Variants in PSD3 observed in about 807,000 individuals in gnomAD.
The protein encoded by PSD3 is PH and SEC7 domain-containing protein 3.
In PSD3, 49 loss-of-function variants were observed where a neutral mutation model predicts 105.5. That is an observed-to-expected ratio of 0.46 (90% CI 0.37 to 0.59). The LOEUF is 0.59. Among genes scored for constraint, PSD3 ranks in the 20% least tolerant of loss-of-function variants. The probability of loss-of-function intolerance (pLI) is 0.00; values close to 1 mark genes in which losing one functional copy is unlikely to be tolerated. For missense variants in PSD3, 1,561 were observed against 1,263.8 expected (o/e 1.24, Z -3.57); for synonymous variants, 557 against 457.8 (o/e 1.22, Z -2.77).
chr8:18,837,701 G>A (rs1272255059), intron 4 of PSD3, among the ~76,000 whole-genome samples: 2 of 152,162 alleles, frequency 1.3e-5, no homozygotes, highest in Non-Finnish European at 2.9e-5. Context: ...CACTTTGGGA[G>A]GCTGAAACAG....
intron 9 of PSD3, among the ~76,000 whole-genome samples, chr8:18,704,796 A>C (rs950993670): frequency 6.6e-6 from 1 of 152,228 alleles, no homozygotes; most frequent in Non-Finnish European, 1.5e-5. Context: ...GTAGAAAAAT[A>C]ATATGTTAAA....
intron 1 of PSD3, among the ~76,000 whole-genome samples, chr8:18,955,854 C>T (rs1172008033): frequency 3.3e-5 from 5 of 152,044 alleles, no homozygotes; most frequent in African/African-American, 4.8e-5. Flanking sequence ...CTTCAACCTC[C>T]GCCTCCCGGG....
chr8:18,838,700 G>A (rs551013675), intron 4 of PSD3, among the ~76,000 whole-genome samples: 1 of 151,704 alleles, frequency 6.6e-6, no homozygotes, highest in East Asian at 2.0e-4. Flanking sequence ...ACTTCGGGAG[G>A]CTGAGGCAGG....
intron 8 of PSD3, among the ~76,000 whole-genome samples, chr8:18,790,184 C>A (rs1469693419): frequency 6.6e-6 from 1 of 151,986 alleles, no homozygotes; most frequent in East Asian, 1.9e-4. Flanking sequence ...TAAACTATGG[C>A]ATACTTAGAT....
intron 1 of PSD3, among the ~76,000 whole-genome samples, chr8:19,065,199 G>T (rs777865172): frequency 8.5e-5 from 13 of 152,070 alleles, no homozygotes; most frequent in Non-Finnish European, 1.5e-4. Flanking sequence ...ATAAAACTCT[G>T]AGGGGAAAAA....
intron 12 of PSD3, among the ~76,000 whole-genome samples, chr8:18,578,142 T>C (rs1802574884): frequency 1.3e-5 from 2 of 151,974 alleles, no homozygotes; most frequent in Admixed American, 6.6e-5. Flanking sequence ...TTCTTGTTTT[T>C]TTCTCTTAGG....
chr8:19,003,311 C>G (rs180930152), intron 1 of PSD3, among the ~76,000 whole-genome samples: 104 of 151,920 alleles, frequency 6.8e-4, no homozygotes, highest in African/African-American at 2.4e-3. Flanking sequence ...TTGAAGGCTG[C>G]AGTGAGCTAT....
intron 9 of PSD3, among the ~76,000 whole-genome samples, chr8:18,742,758 C>A (rs1391261762): frequency 1.3e-5 from 2 of 152,106 alleles, no homozygotes; most frequent in African/African-American, 4.8e-5. Flanking sequence ...TTATTACTGG[C>A]AAAATGCTAC....
intron 8 of PSD3, among the ~76,000 whole-genome samples, chr8:18,769,032 AGAC>A (rs1267738936): frequency 2.0e-5 from 3 of 152,256 alleles, no homozygotes; most frequent in African/African-American, 4.8e-5. Context: ...AGTATACTGA[AGAC>A]GACAATAACT....
At chr8:18,988,430 G>C (rs540182105) in intron 1 of PSD3, among the ~76,000 whole-genome samples, 1 of 152,296 alleles carries the variant, frequency 6.6e-6, no homozygotes, top group Non-Finnish European at 1.5e-5. Context: ...AAGCCCGCAA[G>C]TGGAAAACCT....
intron 2 of PSD3, among the ~76,000 whole-genome samples, chr8:18,901,748 C>T (rs1159173671): frequency 6.6e-6 from 1 of 152,140 alleles, no homozygotes; most frequent in Non-Finnish European, 1.5e-5. Context: ...TTTTGTTTGT[C>T]TGGGAAATAC....
intron 9 of PSD3, among the ~76,000 whole-genome samples, chr8:18,728,337 T>C (rs1803483000): frequency 6.6e-6 from 1 of 152,158 alleles, no homozygotes; most frequent in South Asian, 2.1e-4. Context: ...TATAGTCTCA[T>C]AGAAACATTC....
At chr8:18,752,943 C>G (rs918130698) in intron 9 of PSD3, among the ~76,000 whole-genome samples, 3 of 151,524 alleles carry the variant, frequency 2.0e-5, no homozygotes, top group African/African-American at 7.3e-5. Flanking sequence ...ATGATTTGCT[C>G]CAGGAGCAGG....
At chr8:18,680,725 G>A (rs558632789) in intron 9 of PSD3, among the ~76,000 whole-genome samples, 2 of 152,240 alleles carry the variant, frequency 1.3e-5, no homozygotes, top group South Asian at 4.1e-4. Flanking sequence ...ACGGAGAAGG[G>A]GGTTTTAAAG....
intron 9 of PSD3, among the ~76,000 whole-genome samples, chr8:18,728,512 A>G (rs962283160): frequency 6.6e-6 from 1 of 152,172 alleles, no homozygotes; most frequent in African/African-American, 2.4e-5. Flanking sequence ...CAGGCAGAGG[A>G]AACAGCATGG....
At chr8:19,080,740 G>A (rs1221432735) in intron 1 of PSD3, among the ~76,000 whole-genome samples, 1 of 152,152 alleles carries the variant, frequency 6.6e-6, no homozygotes, top group African/African-American at 2.4e-5. Flanking sequence ...TAGGAAGGGA[G>A]AAAGGAAGAC....
intron 1 of PSD3, among the ~76,000 whole-genome samples, chr8:19,047,445 G>T (rs1506893): frequency 6.6e-6 from 1 of 152,116 alleles, no homozygotes; most frequent in Non-Finnish European, 1.5e-5. Flanking sequence ...TCATGCCCTA[G>T]GATAAATGTC....
chr8:19,081,196 T>A (rs1485594596), intron 1 of PSD3, among the ~76,000 whole-genome samples: 1 of 152,064 alleles, frequency 6.6e-6, no homozygotes. Flanking sequence ...GGCACCACCC[T>A]GAGCTGAGAC....
At chr8:18,568,736 C>T (rs1351165129) in intron 14 of PSD3, among the ~76,000 whole-genome samples, 6 of 151,340 alleles carry the variant, frequency 4.0e-5, no homozygotes, top group East Asian at 3.9e-4. Context: ...TTTAAGTTTT[C>T]GGGTACATGT....
Sources: allele counts gnomAD v4.1 joint callset (sites outside exome capture counted in the v4.1 genomes callset), GRCh38; gene constraint gnomAD v4.1.1; transcripts MANE v1.5; gene names NCBI Gene and HGNC (gene_info 2026-07-23, HGNC 2026-07-21).